Variants in ZMPSTE24 observed in about 807,000 individuals in gnomAD.
The protein encoded by ZMPSTE24 is CAAX prenyl protease 1 homolog.
In ZMPSTE24, 48 loss-of-function variants were observed where a neutral mutation model predicts 56.7. The ratio of observed to expected loss-of-function variants is 0.85; its 90% confidence interval spans 0.67 to 1.08. The LOEUF is 1.08. ZMPSTE24 is among the 50% of genes least tolerant of loss of function. The probability of loss-of-function intolerance (pLI) is 0.00; values close to 1 mark genes in which losing one functional copy is unlikely to be tolerated. For missense variants in ZMPSTE24, 503 were observed against 548.7 expected, an observed-to-expected ratio of 0.92 and a Z score of 0.83; for synonymous variants, 172 against 195.2, an observed-to-expected ratio of 0.88 and a Z score of 0.99.
chr1:40,287,484 C>G (rs1327089460), intron 8 of ZMPSTE24, among the ~76,000 whole-genome samples: 1 of 151,876 alleles, frequency 6.6e-6, no homozygotes, highest in African/African-American at 2.4e-5. Flanking sequence ...CGAGACCAGC[C>G]TGGCCAACAT....
At chr1:40,266,491 T>C (rs1643549290) in intron 2 of ZMPSTE24, among the ~76,000 whole-genome samples, 1 of 152,190 alleles carries the variant, frequency 6.6e-6, no homozygotes, top group South Asian at 2.1e-4. Flanking sequence ...GTGTTCACTT[T>C]ATCTGCCCAA....
intron 6 of ZMPSTE24, among the ~76,000 whole-genome samples, chr1:40,277,239 G>A (rs1643679534): frequency 2.0e-5 from 3 of 151,876 alleles, no homozygotes; most frequent in Admixed American, 2.0e-4. Flanking sequence ...GCGCCCGCCA[G>A]CACACCCGGC....
intron 8 of ZMPSTE24, among the ~76,000 whole-genome samples, chr1:40,287,674 CAAAA>C (rs143468956): frequency 5.2e-5 from 4 of 77,438 alleles, no homozygotes; most frequent in African/African-American, 1.9e-4. Context: ...GACTCTGTCT[CAAAA>C]AAAAAAAAAA....
intron 7 of ZMPSTE24, among the ~76,000 whole-genome samples, chr1:40,284,893 C>T (rs1378186545): frequency 6.7e-6 from 1 of 148,666 alleles, no homozygotes; most frequent in Non-Finnish European, 1.5e-5. Flanking sequence ...TTACTTTCTT[C>T]ACCTAATCAT....
chr1:40,275,744 C>A (rs892953541), intron 6 of ZMPSTE24, among the ~76,000 whole-genome samples: 1 of 141,652 alleles, frequency 7.1e-6, no homozygotes, highest in African/African-American at 2.7e-5. Flanking sequence ...AAGAGTGAGA[C>A]CCTGTCTCAA....
intron 9 of ZMPSTE24, 85 bp downstream of exon 9, chr1:40,291,082 GA>G (rs776108940): frequency 2.0e-6 from 3 of 1,534,784 alleles, no homozygotes; most frequent in Non-Finnish European, 2.7e-6. Flanking sequence ...AAAGGAAATA[GA>G]ACAGTACAGT....
rs769218912 is a variant in ZMPSTE24, at chr1:40,258,312, C to T, written c.41C>T (p.Pro14Leu). Reference protein sequence around the residue: ...WASLDALWEMPAEKRIFGAVL... With the variant: ...WASLDALWEMLAEKRIFGAVL... ...TCGCTGGACGCTTTGTGGGAGATGC[C>T]GGCCGAGAAGCGTATCTTCGGGGCC... Residue 14 changes from proline (P) to leucine (L), a missense_variant, in exon 1 of 10, where the codon CCG becomes CTG. Transcript: ENST00000372759. The T allele has an allele frequency of 5.0e-6, 8 of 1,614,114 alleles. No individual in the cohort carries two copies. Among genetic ancestry groups the T allele is most frequent in the Non-Finnish European group, 6.8e-6 (8 of 1,180,040 alleles).
intron 2 of ZMPSTE24, among the ~76,000 whole-genome samples, chr1:40,264,299 A>C (rs1391659614): frequency 2.0e-5 from 3 of 152,174 alleles, no homozygotes; most frequent in Non-Finnish European, 4.4e-5. Context: ...GCAACACTGC[A>C]CTCCAGCCTG....
rs1234202962 is a variant in ZMPSTE24 at position 40,270,142 on chromosome 1, T to C, written c.627+15T>C. The C allele has an allele frequency of 1.2e-6, 2 of 1,613,798 alleles. No individual in the cohort carries two copies. The highest frequency in any genetic ancestry group is 1.1e-5 in the South Asian group (1 of 91,076). On this transcript the variant is annotated intron_variant, in intron 5 of 9. Coordinates refer to ENST00000372759, the MANE Select transcript of ZMPSTE24 (RefSeq NM_005857.5). ...TTGTGTCTCTGGTGAGTAAAATCTT[T>C]ATTTCGTTTTCTTTTGCAAAAGTTC...
At chr1:40,272,476 C>A (rs1643623338) in intron 6 of ZMPSTE24, among the ~76,000 whole-genome samples, 2 of 152,172 alleles carry the variant, frequency 1.3e-5, no homozygotes, top group South Asian at 4.1e-4. Flanking sequence ...TTGGCCTTGT[C>A]TCCTCCAAGA....
At position 40,281,468 on chromosome 1, in the gene ZMPSTE24, G is replaced by A. The variant is rs1569651055; in HGVS notation, c.895G>A (p.Gly299Ser). 3 of 1,614,086 alleles carry A rather than the reference G, an allele frequency of 1.9e-6. No homozygotes were observed. Among genetic ancestry groups the A allele is most frequent in the Non-Finnish European group, 2.5e-6 (3 of 1,179,992 alleles). Reference sequence around the variant, plus strand: ...AAACAAAGACATCCAGGAGGATTCTGGCATGGAACCCCGCAATGAGGAAGA... The same window carrying A: ...AAACAAAGACATCCAGGAGGATTCTAGCATGGAACCCCGCAATGAGGAAGA... ...VLNKDIQEDSGMEPRNEEEGN... is the reference protein window; with the variant it reads ...VLNKDIQEDSSMEPRNEEEGN... The change falls in exon 7 of 10, where the codon GGC becomes AGC. Residue 299 changes from glycine (G) to serine (S), a missense_variant. Physicochemically the swap from Gly to Ser is moderately conservative, Grantham distance 56 (BLOSUM62 0). Coordinates refer to ENST00000372759, the MANE Select transcript of ZMPSTE24 (RefSeq NM_005857.5).
At chr1:40,277,110 G>T (rs980047181) in intron 6 of ZMPSTE24, among the ~76,000 whole-genome samples, 23 of 147,402 alleles carry the variant, frequency 1.6e-4, no homozygotes, top group Admixed American at 1.4e-4. Context: ...TTTTGAGACG[G>T]AATCTTGCTG....
At chr1:40,283,404 C>T (rs1223139271) in intron 7 of ZMPSTE24, among the ~76,000 whole-genome samples, 2 of 151,958 alleles carry the variant, frequency 1.3e-5, no homozygotes, top group African/African-American at 4.8e-5. Context: ...ACTCAGGAGG[C>T]TGAGGCACAA....
At chr1:40,272,269 A>G (rs1643621014) in intron 6 of ZMPSTE24, among the ~76,000 whole-genome samples, 2 of 152,126 alleles carry the variant, frequency 1.3e-5, no homozygotes, top group South Asian at 2.1e-4. Context: ...GTCTGCAGCT[A>G]TGTTTGTTTG....
At chr1:40,272,212 A>G (rs558208679) in intron 6 of ZMPSTE24, among the ~76,000 whole-genome samples, 177 bp downstream of exon 6, 2 of 152,360 alleles carry the variant, frequency 1.3e-5, no homozygotes, top group East Asian at 1.9e-4. Flanking sequence ...AATTGATAAC[A>G]TAGGCCAGGG....
rs372001324 is a variant in ZMPSTE24 at position 40,284,861 on chromosome 1, C to G, written c.955-1064C>G. ...ACATTGTTTCATAATTAGAATCATA[C>G]TATATATTTTTAGTTTGTGTCTTAC... On this transcript the variant is annotated intron_variant, in intron 7 of 9. Coordinates refer to ENST00000372759, the MANE Select transcript of ZMPSTE24 (RefSeq NM_005857.5). 1.3e-3 allele frequency among the ~76,000 whole-genome samples: 200 copies of G among 149,854 alleles called. 1 individual carries two copies. The highest frequency in any genetic ancestry group is 3.6e-3 in the South Asian group (17 of 4,760).
At chr1:40,272,617 G>A (rs966900618) in intron 6 of ZMPSTE24, among the ~76,000 whole-genome samples, 3 of 152,152 alleles carry the variant, frequency 2.0e-5, no homozygotes, top group Admixed American at 6.6e-5. Flanking sequence ...TCTCTTGACC[G>A]TTACTCAAAT....
rs188603322 is a variant in ZMPSTE24 at position 40,273,618 on chromosome 1, G to C, written c.769+1583G>C. On this transcript the variant is annotated intron_variant, in intron 6 of 9. Transcript: ENST00000372759. Reference sequence around the variant, plus strand: ...GGATATACAGCCCAACTAAAGGCACGATTGGAGTAGCTTAAAAGTCTGTGG... The same window carrying C: ...GGATATACAGCCCAACTAAAGGCACCATTGGAGTAGCTTAAAAGTCTGTGG... Among the ~76,000 whole-genome samples the C allele has an allele frequency of 5.0e-3, 673 of 134,820 alleles. 3 individuals carry two copies. Among genetic ancestry groups the C allele is most frequent in the Admixed American group, 0.01 (130 of 12,640 alleles). 88.4% of individuals were successfully genotyped at this position (134,820 alleles called of 152,430 possible). A position where few individuals can be genotyped will look rare whatever the true frequency, so the allele number is the denominator to read the frequency against.
chr1:40,286,007 T>A lies in ZMPSTE24; in HGVS notation c.1037T>A (p.Val346Asp), dbSNP rs780029269. 2 of 1,613,860 alleles carry A rather than the reference T, an allele frequency of 1.2e-6. No homozygotes were observed. The highest frequency in any genetic ancestry group is 1.7e-6 in the Non-Finnish European group (2 of 1,179,770). The change falls in exon 8 of 10, where the codon GTC becomes GAC. Residue 346 changes from valine (V) to aspartate (D), a missense_variant. Transcript: ENST00000372759. ...GGGCACTGGAAGTTGGGACATACAG[T>A]CAAAAATATCATTATTAGCCAGGTA... is the stretch of plus-strand genomic sequence containing the variant. ...ELGHWKLGHTVKNIIISQMNS... is the reference protein window; with the variant it reads ...ELGHWKLGHTDKNIIISQMNS...
Sources: gnomAD v4.1 joint callset for allele counts (sites outside exome capture counted in the v4.1 genomes callset) on GRCh38, gnomAD v4.1.1 for gene constraint, MANE v1.5 for transcripts, NCBI Gene and HGNC (gene_info 2026-07-23, HGNC 2026-07-21) for gene names.